The following TENM3 variants were observed in gnomAD, a reference collection of about 807,000 sequenced individuals.
TENM3 encodes the protein teneurin transmembrane protein 3.
A neutral mutation model predicts 255.1 loss-of-function variants in TENM3; 63 were observed. The observed-to-expected ratio is 0.25, with a 90% CI of 0.20 to 0.30. TENM3 has a LOEUF of 0.30. Among genes scored for constraint, TENM3 ranks in the 10% least tolerant of loss-of-function variants. TENM3 has a pLI of 1.00. For missense variants in TENM3, 2,929 were observed against 3,461.1 expected (o/e 0.85, Z 3.86); for synonymous variants, 1,306 against 1,322.3 (o/e 0.99, Z 0.27).
the TENM3 span, among the ~76,000 whole-genome samples, chr4:181,776,631 A>G: frequency 6.6e-6 from 1 of 152,068 alleles, no homozygotes; most frequent in African/African-American, 2.4e-5. Context: ...CATTAAAATG[A>G]TATCTCATTG....
At chr4:182,570,451 A>G (rs991028614) in intron 3 of TENM3, among the ~76,000 whole-genome samples, 2 of 152,246 alleles carry the variant, frequency 1.3e-5, no homozygotes, top group South Asian at 4.1e-4. Flanking sequence ...GTAAGAAATT[A>G]TGACCCAGAG....
chr4:182,031,280 A>T, the TENM3 span, among the ~76,000 whole-genome samples: 1 of 152,206 alleles, frequency 6.6e-6, no homozygotes, highest in African/African-American at 2.4e-5. Context: ...ATGGCTAGGC[A>T]GTTCTCTCAG....
At chr4:181,760,171 A>G in the TENM3 span, among the ~76,000 whole-genome samples, 1 of 152,112 alleles carries the variant, frequency 6.6e-6, no homozygotes, top group Non-Finnish European at 1.5e-5. Context: ...ACTAAAAGTC[A>G]CCAATGGAAA....
chr4:182,484,799 G>A (rs887347333), intron 3 of TENM3, among the ~76,000 whole-genome samples: 6 of 152,032 alleles, frequency 3.9e-5, no homozygotes, highest in Non-Finnish European at 8.8e-5. Flanking sequence ...TTGATACTAT[G>A]TCTGAATTAA....
chr4:182,670,778 G>T (rs551672794), intron 6 of TENM3, among the ~76,000 whole-genome samples: 1 of 152,070 alleles, frequency 6.6e-6, no homozygotes, highest in African/African-American at 2.4e-5. Context: ...GTCATGTTCC[G>T]TAGTAATCTT....
At chr4:181,658,371 C>G in the TENM3 span, among the ~76,000 whole-genome samples, 1 of 152,114 alleles carries the variant, frequency 6.6e-6, no homozygotes, top group East Asian at 1.9e-4. Flanking sequence ...GAATAACCGT[C>G]CATATATTTG....
At chr4:182,685,938 C>T (rs1032439608) in intron 11 of TENM3, among the ~76,000 whole-genome samples, 8 of 151,984 alleles carry the variant, frequency 5.3e-5, no homozygotes, top group Non-Finnish European at 1.0e-4. Flanking sequence ...GGAAAATATA[C>T]ATATAAATGT....
the TENM3 span, among the ~76,000 whole-genome samples, chr4:181,605,560 A>G: frequency 0.08 from 2,118 of 26,574 alleles, 257 homozygotes; most frequent in Middle Eastern, 0.17. Flanking sequence ...GAAAGAAAGA[A>G]AGAAAGAAAG....
the TENM3 span, among the ~76,000 whole-genome samples, chr4:181,849,949 TCACACACA>T: frequency 3.0e-5 from 2 of 65,906 alleles, no homozygotes; most frequent in South Asian, 1.6e-3. Context: ...TCTCTCTCTC[TCACACACA>T]CACACACACA....
At chr4:181,518,531 G>T in the TENM3 span, among the ~76,000 whole-genome samples, 1 of 152,044 alleles carries the variant, frequency 6.6e-6, no homozygotes, top group Non-Finnish European at 1.5e-5. Context: ...GGGTTCAAGC[G>T]ATTCTCCTGC....
the TENM3 span, among the ~76,000 whole-genome samples, chr4:181,612,411 A>G: frequency 1.3e-5 from 2 of 152,250 alleles, no homozygotes; most frequent in African/African-American, 2.4e-5. Flanking sequence ...GGTACAGAAC[A>G]TGGTAAGTTC....
chr4:181,784,034 T>C, the TENM3 span, among the ~76,000 whole-genome samples: 2 of 152,176 alleles, frequency 1.3e-5, no homozygotes, highest in Non-Finnish European at 2.9e-5. Flanking sequence ...TGTTTCAACA[T>C]TTGCACTTCA....
the TENM3 span, chr4:181,975,133 C>A: frequency 8.4e-6 from 1 of 119,098 alleles, no homozygotes; most frequent in East Asian, 2.3e-4. Flanking sequence ...TGTGGAGTAG[C>A]TCTTTTTTTT....
At chr4:182,605,792 C>A (rs1748361705) in intron 4 of TENM3, among the ~76,000 whole-genome samples, 1 of 152,182 alleles carries the variant, frequency 6.6e-6, no homozygotes, top group South Asian at 2.1e-4. Flanking sequence ...AGTGCCTAAG[C>A]TCTGTGGTGA....
intron 22 of TENM3, among the ~76,000 whole-genome samples, chr4:182,772,979 A>G (rs540804473): frequency 1.3e-5 from 2 of 152,300 alleles, no homozygotes; most frequent in South Asian, 4.1e-4. Flanking sequence ...TTATTTTATT[A>G]ATTTGTTGAA....
the TENM3 span, among the ~76,000 whole-genome samples, chr4:181,642,063 A>T: frequency 2.0e-5 from 3 of 151,488 alleles, no homozygotes; most frequent in African/African-American, 7.3e-5. Flanking sequence ...TTTCACAATG[A>T]TTGAACTAAT....
chr4:182,650,889 A>AAAAAAAAAAT (rs1281790163), intron 5 of TENM3, among the ~76,000 whole-genome samples: 1 of 29,774 alleles, frequency 3.4e-5, no homozygotes, highest in Non-Finnish European at 5.7e-5. Flanking sequence ...AATAAAAAAA[A>AAAAAAAAAAT]ATATATATAT....
chr4:181,480,107 A>G, the TENM3 span, among the ~76,000 whole-genome samples: 1 of 152,254 alleles, frequency 6.6e-6, no homozygotes, highest in East Asian at 1.9e-4. Flanking sequence ...TTATGTGCAC[A>G]GTTGTCTTAC....
intron 1 of TENM3, among the ~76,000 whole-genome samples, chr4:182,252,530 T>A (rs1053257743): frequency 6.6e-6 from 1 of 152,230 alleles, no homozygotes; most frequent in Admixed American, 6.5e-5. Flanking sequence ...AGCAACTGAC[T>A]TTTAAATAAG....
Sources: allele counts gnomAD v4.1 joint callset (sites outside exome capture counted in the v4.1 genomes callset), GRCh38; gene constraint gnomAD v4.1.1; transcripts MANE v1.5; gene names NCBI Gene and HGNC (gene_info 2026-07-23, HGNC 2026-07-21).